Variants in CCDC82 observed in about 807,000 individuals in gnomAD.
CCDC82 encodes coiled-coil domain containing 82.
A neutral mutation model predicts 60.6 loss-of-function variants in CCDC82; 47 were observed. The observed-to-expected ratio is 0.77, with a 90% CI of 0.61 to 0.99. The LOEUF is 0.99. Ranked by LOEUF, CCDC82 falls within the 50% of genes least tolerant of loss-of-function variation. CCDC82 has a pLI of 0.00. For synonymous variants in CCDC82, 212 were observed against 207.4 expected, an observed-to-expected ratio of 1.02 and a Z score of -0.19; for missense variants, 588 against 633.0, an observed-to-expected ratio of 0.93 and a Z score of 0.76.
intron 5 of CCDC82, among the ~76,000 whole-genome samples, chr11:96,377,367 C>CACACACACACACAT (rs1565316401): frequency 1.2e-4 from 18 of 151,450 alleles, no homozygotes; most frequent in African/African-American, 4.1e-4. Context: ...TACACACACA[C>CACACACACACACAT]ACACACACAC....
At chr11:96,364,647 T>C in intron 8 of CCDC82, 1 of 160,148 alleles carries the variant, frequency 6.2e-6, no homozygotes, top group East Asian at 1.8e-4. Flanking sequence ...GTGCTTTTTA[T>C]CATTTCACAT....
At position 96,364,989 on chromosome 11, in the gene CCDC82, A is replaced by G; in HGVS notation, c.1371T>C (p.His457=). The G allele has an allele frequency of 6.3e-7, 1 of 1,599,110 alleles. No homozygotes were observed. The highest frequency in any genetic ancestry group is 1.3e-5 in the African/African-American group (1 of 74,376). Residue 457 remains histidine (H), a synonymous_variant, in exon 8 of 10, where the codon CAT becomes CAC. Transcript: ENST00000646818. Reference sequence around the variant, plus strand: ...AGAGGGAAGAAAATACCTGTTTATCATGTGACATGAAATTATCTATTTGCA... The same window carrying G: ...AGAGGGAAGAAAATACCTGTTTATCGTGTGACATGAAATTATCTATTTGCA... ...RTMQIDNFMS[H]DKQVFTVGRI...
In CCDC82 at chr11:96,366,383, C is replaced by T. The variant is rs560665049; in HGVS notation, c.1210-1233G>A. 2.0e-5 allele frequency among the ~76,000 whole-genome samples: 3 copies of T among 152,312 alleles called. No homozygotes were observed. In the South Asian group the frequency reaches 6.2e-4, roughly 32 times the overall value. ...CTGTGTCTCAGTTTTTCAGCTAATA[C>T]TTTTTGGTATCTTACAGTTATTATC... is the stretch of plus-strand genomic sequence containing the variant. On this transcript the variant is annotated intron_variant, in intron 7 of 9. Coordinates refer to ENST00000646818, the MANE Select transcript of CCDC82 (RefSeq NM_024725.4).
Position 96,384,697 on chromosome 11 carries a change from C to A in CCDC82, c.51G>T (p.Val17=). ...HETRRNSKSH[V]PEQKSRVDWR... ...AATCAACTCGAGATTTCTGCTCAGG[C>A]ACGTGACTCTTAGAATTTCTCCTTG... The change falls in exon 4 of 10, where the codon GTG becomes GTT. Residue 17 remains valine (V), a synonymous_variant. Coordinates refer to ENST00000646818, the MANE Select transcript of CCDC82 (RefSeq NM_024725.4). 1 of 1,611,630 alleles carries A rather than the reference C, an allele frequency of 6.2e-7. No individual in the cohort carries two copies. Among genetic ancestry groups the A allele is most frequent in the Non-Finnish European group, 8.5e-7 (1 of 1,179,188 alleles).
chr11:96,375,764 TTGATA>T (rs1472714335), intron 5 of CCDC82, among the ~76,000 whole-genome samples: 1 of 152,242 alleles, frequency 6.6e-6, no homozygotes, highest in Non-Finnish European at 1.5e-5. Context: ...CATGGTAGAT[TTGATA>T]TATGTCACAA....
chr11:96,373,913 G>A (rs1417166968), intron 5 of CCDC82, among the ~76,000 whole-genome samples: 1 of 152,102 alleles, frequency 6.6e-6, no homozygotes, highest in East Asian at 1.9e-4. Context: ...AACCCCAATG[G>A]CTACAAAAAC....
intron 1 of CCDC82, chr11:96,388,163 T>C (rs1363059537): frequency 2.0e-5 from 3 of 152,142 alleles, no homozygotes; most frequent in East Asian, 1.9e-4. Context: ...AGCTTTACTA[T>C]ATTAGCTGGG....
At chr11:96,374,771 C>T (rs1865480061) in intron 5 of CCDC82, among the ~76,000 whole-genome samples, 3 of 152,050 alleles carry the variant, frequency 2.0e-5, no homozygotes, top group African/African-American at 7.2e-5. Context: ...CTACTCTCCA[C>T]CCTCAAAAAA....
chr11:96,386,950 C>T (rs1349942768), intron 2 of CCDC82: 1 of 152,194 alleles, frequency 6.6e-6, no homozygotes, highest in Non-Finnish European at 1.5e-5. Context: ...TTTTAAGCAG[C>T]TTACTGTTTC....
chr11:96,372,659 AATATAT>A (rs891637050), intron 6 of CCDC82, among the ~76,000 whole-genome samples: 3 of 145,438 alleles, frequency 2.1e-5, no homozygotes, highest in Non-Finnish European at 3.0e-5. Flanking sequence ...TATAAATATA[AATATAT>A]ATAAACATAT....
chr11:96,353,925 T>C (rs569260809), intron 9 of CCDC82: 6 of 386,424 alleles, frequency 1.6e-5, no homozygotes, highest in African/African-American at 1.0e-4. Context: ...TGGAAAGTGA[T>C]CAAAGTGAAT....
chr11:96,387,905 C>T (rs1591232313), intron 1 of CCDC82: 1 of 152,176 alleles, frequency 6.6e-6, no homozygotes, highest in East Asian at 1.9e-4. Flanking sequence ...CCAGTGAGCC[C>T]AAAAGTAAAA....
intron 7 of CCDC82, among the ~76,000 whole-genome samples, chr11:96,368,482 A>G (rs1385456884): frequency 6.6e-6 from 1 of 152,154 alleles, no homozygotes; most frequent in Non-Finnish European, 1.5e-5. Context: ...GCTTCAACTT[A>G]GGTCACCAGC....
At chr11:96,377,221 G>A (rs997802743) in intron 5 of CCDC82, among the ~76,000 whole-genome samples, 10 of 152,058 alleles carry the variant, frequency 6.6e-5, no homozygotes, top group African/African-American at 2.4e-4. Flanking sequence ...CACCCTTGTA[G>A]GGCAAAAAGA....
chr11:96,384,153 C>A lies in CCDC82; in HGVS notation c.595G>T (p.Asp199Tyr), dbSNP rs374416200. 4.3e-6 allele frequency: 7 copies of A among 1,613,688 alleles called. No individual in the cohort carries two copies. The highest frequency in any genetic ancestry group is 1.6e-4 in the Middle Eastern group (1 of 6,082). ...MCDSDESDDS[D>Y]ILVRKVGVKR... ...ACACCTACTTTTCTAACTAGGATAT[C>A]GCTGTCATCACTCTCATCACTGTCA... The change falls in exon 4 of 10, where the codon GAT becomes TAT. Residue 199 changes from aspartate to tyrosine, a missense_variant. Transcript: ENST00000646818.
intron 7 of CCDC82, among the ~76,000 whole-genome samples, chr11:96,369,485 G>A (rs967644142): frequency 3.9e-5 from 6 of 152,126 alleles, no homozygotes; most frequent in Admixed American, 1.3e-4. Flanking sequence ...TTTCATTACC[G>A]TTGTGTCTTA....
rs748717960 is a variant in CCDC82, at chr11:96,384,220, GTCT to G, written c.525_527del (p.Glu175del). 3.7e-6 allele frequency: 6 copies of G among 1,613,614 alleles called. No individual in the cohort carries two copies. The highest frequency in any genetic ancestry group is 3.3e-5 in the Admixed American group (2 of 59,956). On this transcript the variant is annotated inframe_deletion, in exon 4 of 10. Transcript: ENST00000646818. ...GCCTTTTTCTTTTTCCTCGCTTGAT[GTCT>G]TCTTCTTCTAAATCATCCTCTATTA...
intron 3 of CCDC82, chr11:96,385,502 A>AG: frequency 6.6e-6 from 1 of 152,570 alleles, no homozygotes. Flanking sequence ...AACAAATGAC[A>AG]TAAAGAAGAC....
chr11:96,367,373 C>T (rs1185076984), intron 7 of CCDC82, among the ~76,000 whole-genome samples: 2 of 152,208 alleles, frequency 1.3e-5, no homozygotes, highest in Non-Finnish European at 2.9e-5. Flanking sequence ...GCTTTAACAA[C>T]CATATTTTAA....
Sources: gnomAD v4.1 joint callset for allele counts (sites outside exome capture counted in the v4.1 genomes callset) on GRCh38, gnomAD v4.1.1 for gene constraint, MANE v1.5 for transcripts, NCBI Gene and HGNC (gene_info 2026-07-23, HGNC 2026-07-21) for gene names.